RPS6KA5: variants seen among roughly 807,000 people sequenced by gnomAD.
RPS6KA5 encodes the protein ribosomal protein S6 kinase alpha-5.
Under a neutral mutation model 85.5 loss-of-function variants are expected in RPS6KA5, and 27 were observed. The ratio of observed to expected loss-of-function variants is 0.32; its 90% CI spans 0.23 to 0.44. The LOEUF (loss-of-function observed/expected upper bound fraction) is 0.44. RPS6KA5 is among the 20% of genes least tolerant of loss of function. The pLI, the probability that RPS6KA5 is intolerant of heterozygous loss-of-function variation, is 1.00. For missense variants in RPS6KA5, 811 were observed against 980.9 expected, an observed-to-expected ratio of 0.83 and a Z score of 2.31; for synonymous variants, 334 against 348.2, an observed-to-expected ratio of 0.96 and a Z score of 0.46.
intron 2 of RPS6KA5, among the ~76,000 whole-genome samples, chr14:90,989,066 A>G (rs1402066681): frequency 6.6e-6 from 1 of 152,200 alleles, no homozygotes; most frequent in Non-Finnish European, 1.5e-5. Context: ...TCTTATGAGT[A>G]AGTCCTAAAT....
chr14:90,888,375 T>C (rs2034355651), intron 14 of RPS6KA5, among the ~76,000 whole-genome samples: 1 of 152,182 alleles, frequency 6.6e-6, no homozygotes, highest in African/African-American at 2.4e-5. Context: ...TTACTAAAAA[T>C]GAAAGTCTCT....
chr14:90,996,215 T>C (rs1595433375), intron 2 of RPS6KA5, among the ~76,000 whole-genome samples: 1 of 151,886 alleles, frequency 6.6e-6, no homozygotes, highest in African/African-American at 2.4e-5. Flanking sequence ...GTTTTTTTTT[T>C]CAGTAGAGAT....
At chr14:91,036,169 G>A (rs1445590240) in intron 1 of RPS6KA5, among the ~76,000 whole-genome samples, 8 of 152,146 alleles carry the variant, frequency 5.3e-5, no homozygotes, top group Non-Finnish European at 8.8e-5. Flanking sequence ...ATGGGCATGT[G>A]CATGGCCCAA....
Position 90,852,925 on chromosome 14 carries a change from G to T in RPS6KA5, c.*19149C>A, listed in dbSNP as rs2032083117. 1 of 151,922 alleles carries T rather than the reference G, an allele frequency of 6.6e-6. No individual in the cohort carries two copies. 9.4% of individuals were successfully genotyped at this position (151,922 alleles called of 1,614,324 possible). ...TTGTTGTATTTTTAGTAGAGACAGGGTTTCACCATGTTAGCCAGGATGGTC... is the reference window on the plus strand; with the variant it reads ...TTGTTGTATTTTTAGTAGAGACAGGTTTTCACCATGTTAGCCAGGATGGTC... On this transcript the variant is annotated 3_prime_UTR_variant, in exon 17 of 17. Transcript: ENST00000614987.
chr14:90,849,743 G>C lies in RPS6KA5; in HGVS notation c.*22331C>G, dbSNP rs1286370570. On this transcript the variant is annotated 3_prime_UTR_variant, in exon 17 of 17. Transcript: ENST00000614987. The stretch of plus-strand genomic sequence containing the variant: ...ATTTACTTTATTGATGCTAATGTAG[G>C]GGTCAGCTAACAGTAACAAGCTACT... 3 of 152,192 alleles carry C rather than the reference G, an allele frequency of 2.0e-5. No individual in the cohort carries two copies. The highest frequency in any genetic ancestry group is 4.4e-5 in the Non-Finnish European group (3 of 68,040). 9.4% of individuals were successfully genotyped at this position (152,192 alleles called of 1,614,324 possible). A position where few individuals can be genotyped will look rare whatever the true frequency, so the allele number is the denominator to read the frequency against.
chr14:91,060,300 G>A (rs777066142), intron 1 of RPS6KA5, 32 bp downstream of exon 1: 66 of 1,209,234 alleles, frequency 5.5e-5, no homozygotes, highest in South Asian at 7.6e-5. Context: ...CCCCCGCGCC[G>A]GGCCCGGCCG....
intron 1 of RPS6KA5, among the ~76,000 whole-genome samples, chr14:91,038,390 T>C (rs2042479774): frequency 6.6e-6 from 1 of 151,728 alleles, no homozygotes; most frequent in East Asian, 1.9e-4. Context: ...ACATCTGGAG[T>C]TGTAAAGGAA....
intron 7 of RPS6KA5, among the ~76,000 whole-genome samples, chr14:90,916,943 T>C (rs776194975): frequency 1.3e-5 from 2 of 152,160 alleles, no homozygotes; most frequent in Non-Finnish European, 2.9e-5. Context: ...ATAAGAAATA[T>C]ACTTCTCTCC....
intron 5 of RPS6KA5, among the ~76,000 whole-genome samples, chr14:90,927,415 C>T (rs1177877830): frequency 6.6e-6 from 1 of 151,924 alleles, no homozygotes; most frequent in African/African-American, 2.4e-5. Context: ...AAGACAGAAA[C>T]TCTCGATCAA....
chr14:90,958,101 T>C (rs2038618631), intron 3 of RPS6KA5, among the ~76,000 whole-genome samples: 1 of 152,160 alleles, frequency 6.6e-6, no homozygotes, highest in Non-Finnish European at 1.5e-5. Context: ...GAACCATGAC[T>C]GTGCTACTGC....
rs908992075 is a variant in RPS6KA5, at chr14:90,852,793, G to C, written c.*19281C>G. The C allele has an allele frequency of 7.7e-5, 11 of 141,962 alleles. No individual in the cohort carries two copies. Among genetic ancestry groups the C allele is most frequent in the Admixed American group, 1.5e-4 (2 of 13,566 alleles). 8.8% of individuals were successfully genotyped at this position (141,962 alleles called of 1,614,324 possible). ...CGCCCAGGCTGGAGTGCAGTGGCGC[G>C]ATCTCGGCTCACTACAAGCTCCGCC... On this transcript the variant is annotated 3_prime_UTR_variant, in exon 17 of 17. Transcript: ENST00000614987.
chr14:90,951,675 T>C (rs1266401871), intron 3 of RPS6KA5, among the ~76,000 whole-genome samples: 1 of 152,142 alleles, frequency 6.6e-6, no homozygotes, highest in African/African-American at 2.4e-5. Flanking sequence ...AGGGAATGTC[T>C]GGAGGCTACT....
intron 7 of RPS6KA5, among the ~76,000 whole-genome samples, chr14:90,912,435 T>C (rs147299220): frequency 6.6e-6 from 1 of 152,180 alleles, no homozygotes; most frequent in East Asian, 1.9e-4. Flanking sequence ...CTGTATTTGA[T>C]CCCAGTCCAA....
At position 90,923,155 on chromosome 14, in the gene RPS6KA5, C is replaced by T; in HGVS notation, c.660G>A (p.Met220Ile). 1 of 1,613,174 alleles carries T rather than the reference C, an allele frequency of 6.2e-7. No individual in the cohort carries two copies. Among genetic ancestry groups the T allele is most frequent in the Non-Finnish European group, 8.5e-7 (1 of 1,179,480 alleles). Reference protein sequence around the residue: ...AYSFCGTIEYMAPDIVRGGDS... With the variant: ...AYSFCGTIEYIAPDIVRGGDS... ...CTCCCCCTCTGACAATATCTGGTGC[C>T]ATGTATTCAATAGTTCCACAAAAGG... Residue 220 changes from methionine to isoleucine, a missense_variant, in exon 6 of 17, where the codon ATG becomes ATA. Physicochemically the swap from Met to Ile is conservative, Grantham distance 10 (BLOSUM62 1). Around this residue, in one of 3 missense-constraint regions of RPS6KA5, gnomAD observed 650 missense variants for 793.4 expected, o/e 0.82. Transcript: ENST00000614987.
At chr14:90,932,810 C>G (rs917719756) in intron 5 of RPS6KA5, among the ~76,000 whole-genome samples, 2 of 152,136 alleles carry the variant, frequency 1.3e-5, no homozygotes, top group Non-Finnish European at 2.9e-5. Flanking sequence ...CCCACTTTAC[C>G]TGCTGTATTA....
At chr14:90,987,104 C>T (rs2040087289) in intron 2 of RPS6KA5, among the ~76,000 whole-genome samples, 1 of 152,160 alleles carries the variant, frequency 6.6e-6, no homozygotes, top group Non-Finnish European at 1.5e-5. Flanking sequence ...AACATTTAAC[C>T]TCTAAGACTT....
intron 13 of RPS6KA5, chr14:90,893,969 A>T: frequency 1.2e-6 from 1 of 834,166 alleles, no homozygotes; most frequent in Non-Finnish European, 1.4e-6. Flanking sequence ...ACAACTCTTT[A>T]AGTATTTAGA....
At chr14:91,052,815 AGAGC>A (rs1340600892) in intron 1 of RPS6KA5, among the ~76,000 whole-genome samples, 4 of 144,110 alleles carry the variant, frequency 2.8e-5, no homozygotes, top group Non-Finnish European at 6.0e-5. Flanking sequence ...GCCTGGGAAC[AGAGC>A]GAGACTCCAT....
At chr14:91,010,809 G>A (rs1383361970) in intron 1 of RPS6KA5, among the ~76,000 whole-genome samples, 2 of 152,182 alleles carry the variant, frequency 1.3e-5, no homozygotes, top group African/African-American at 2.4e-5. Context: ...AAGTAGAGAT[G>A]GGAGGGTGGT....
Sources: gnomAD v4.1 joint callset for allele counts (sites outside exome capture counted in the v4.1 genomes callset) on GRCh38, gnomAD v4.1.1 for gene constraint, gnomAD v4.1.1 regional missense constraint, MANE v1.5 for transcripts, NCBI Gene and HGNC (gene_info 2026-07-23, HGNC 2026-07-21) for gene names.